The following RALYL variants were observed in gnomAD, a reference collection of about 807,000 sequenced individuals.
The protein encoded by RALYL is RNA-binding Raly-like protein.
RALYL carries 29 observed loss-of-function variants against 35.1 expected under a neutral mutation model. That is an observed-to-expected ratio of 0.83 (90% CI 0.61 to 1.13). The LOEUF (loss-of-function observed/expected upper bound fraction) is 1.13. RALYL is among the 50% of genes most tolerant of loss of function. The pLI, the probability that RALYL is intolerant of heterozygous loss-of-function variation, is 0.00. For missense variants in RALYL, 359 were observed against 360.4 expected (o/e 1.00, Z 0.03); for synonymous variants, 120 against 127.6 (o/e 0.94, Z 0.40).
intron 2 of RALYL, among the ~76,000 whole-genome samples, chr8:84,614,979 T>G (rs1819132576): frequency 2.6e-5 from 4 of 151,566 alleles, no homozygotes; most frequent in Admixed American, 2.6e-4. Context: ...ATGGCATAAA[T>G]TACTGTAAAA....
chr8:84,728,506 T>C (rs1845456004), intron 2 of RALYL, among the ~76,000 whole-genome samples: 1 of 151,864 alleles, frequency 6.6e-6, no homozygotes, highest in Non-Finnish European at 1.5e-5. Flanking sequence ...ATTTTGTCTT[T>C]TGTTGCCATT....
intron 1 of RALYL, among the ~76,000 whole-genome samples, chr8:84,252,090 A>G (rs1830304827): frequency 6.6e-6 from 1 of 152,020 alleles, no homozygotes; most frequent in African/African-American, 2.4e-5. Flanking sequence ...TTGTTGATAT[A>G]TCCTTATATA....
intron 2 of RALYL, among the ~76,000 whole-genome samples, chr8:84,756,724 TA>T (rs1811503864): frequency 6.6e-6 from 1 of 152,126 alleles, no homozygotes; most frequent in African/African-American, 2.4e-5. Context: ...CATGATTTAT[TA>T]TCCAAACTTC....
At chr8:84,786,094 T>C (rs1221384985) in intron 3 of RALYL, among the ~76,000 whole-genome samples, 1 of 152,344 alleles carries the variant, frequency 6.6e-6, no homozygotes, top group East Asian at 1.9e-4. Flanking sequence ...GGTTTTCTGT[T>C]CCTGTGTTAG....
intron 1 of RALYL, among the ~76,000 whole-genome samples, chr8:84,490,426 T>C (rs1214318135): frequency 6.6e-6 from 1 of 151,982 alleles, no homozygotes; most frequent in African/African-American, 2.4e-5. Flanking sequence ...AGATTGAAGG[T>C]TGTTGCCTGG....
intron 3 of RALYL, among the ~76,000 whole-genome samples, chr8:84,781,320 A>G (rs917939855): frequency 1.2e-4 from 19 of 152,240 alleles, no homozygotes; most frequent in African/African-American, 4.3e-4. Context: ...ACACTAAGCA[A>G]ATATAACTTA....
intron 7 of RALYL, among the ~76,000 whole-genome samples, chr8:84,883,137 A>C (rs1202335362): frequency 6.6e-6 from 1 of 152,024 alleles, no homozygotes; most frequent in Non-Finnish European, 1.5e-5. Context: ...ATTATAATTA[A>C]AGCTTTTTTT....
intron 1 of RALYL, among the ~76,000 whole-genome samples, chr8:84,239,407 T>A (rs998364482): frequency 1.8e-4 from 28 of 152,112 alleles, no homozygotes; most frequent in African/African-American, 6.3e-4. Flanking sequence ...AAAATATACC[T>A]CAGTTAATAA....
intron 2 of RALYL, among the ~76,000 whole-genome samples, chr8:84,595,893 T>A (rs902009797): frequency 6.6e-6 from 1 of 151,312 alleles, no homozygotes; most frequent in Non-Finnish European, 1.5e-5. Flanking sequence ...GCAGGCAGGA[T>A]CCTGAGCAAG....
intron 2 of RALYL, among the ~76,000 whole-genome samples, chr8:84,768,532 A>G (rs1028313585): frequency 6.6e-6 from 1 of 152,306 alleles, no homozygotes; most frequent in African/African-American, 2.4e-5. Flanking sequence ...GTAAATATGC[A>G]TACAGATATC....
At position 84,500,344 on chromosome 8, in the gene RALYL, A is replaced by G. The variant is rs922987333; in HGVS notation, c.-23-28955A>G. Among the ~76,000 whole-genome samples the G allele has an allele frequency of 2.6e-5, 4 of 152,192 alleles. No homozygotes were observed. The East Asian group carries it at 7.7e-4, about 29-fold the overall frequency. ...TACAATCAGTATGTAATCAAATCTGATGAAAAAACATTTACACACACTTAT... is the reference window on the plus strand; with the variant it reads ...TACAATCAGTATGTAATCAAATCTGGTGAAAAAACATTTACACACACTTAT... On this transcript the variant is annotated intron_variant, in intron 1 of 8. Coordinates refer to ENST00000521268, the MANE Select transcript of RALYL (RefSeq NM_173848.7).
At chr8:84,617,351 G>A (rs1820010555) in intron 2 of RALYL, among the ~76,000 whole-genome samples, 1 of 150,880 alleles carries the variant, frequency 6.6e-6, no homozygotes, top group African/African-American at 2.5e-5. Context: ...TTTCTTTGAA[G>A]CAATTGTGAA....
intron 2 of RALYL, among the ~76,000 whole-genome samples, chr8:84,680,444 G>C (rs1243755478): frequency 6.6e-6 from 1 of 152,050 alleles, no homozygotes; most frequent in African/African-American, 2.4e-5. Context: ...CACAATGATT[G>C]AACTAGTTTA....
chr8:84,705,368 G>C (rs1378849518), intron 2 of RALYL, among the ~76,000 whole-genome samples: 1 of 152,130 alleles, frequency 6.6e-6, no homozygotes, highest in African/African-American at 2.4e-5. Flanking sequence ...CTGCTACATA[G>C]TAGGCACTCA....
At chr8:84,229,335 G>A (rs1586369457) in intron 1 of RALYL, among the ~76,000 whole-genome samples, 1 of 152,316 alleles carries the variant, frequency 6.6e-6, no homozygotes, top group East Asian at 1.9e-4. Context: ...CACAGAGGCA[G>A]TGGAATTTGA....
intron 1 of RALYL, among the ~76,000 whole-genome samples, chr8:84,389,876 G>C (rs368176753): frequency 0.012 from 1,767 of 150,910 alleles, 33 homozygotes; most frequent in African/African-American, 0.039. Flanking sequence ...ACTTCCAACA[G>C]TATGTTGAAT....
At chr8:84,857,918 A>T (rs911018212) in intron 5 of RALYL, among the ~76,000 whole-genome samples, 3 of 152,066 alleles carry the variant, frequency 2.0e-5, no homozygotes, top group African/African-American at 2.4e-5. Context: ...GTTCTTTTTT[A>T]AAAAAGACAC....
chr8:84,812,990 G>A (rs889735000), intron 4 of RALYL, among the ~76,000 whole-genome samples: 6 of 152,126 alleles, frequency 3.9e-5, no homozygotes, highest in East Asian at 1.9e-4. Context: ...TCTGCCTGTG[G>A]TATTTTTCCC....
At chr8:84,213,302 A>T (rs1365204601) in intron 1 of RALYL, among the ~76,000 whole-genome samples, 2 of 152,248 alleles carry the variant, frequency 1.3e-5, no homozygotes, top group African/African-American at 2.4e-5. Context: ...GAGGCAGGAG[A>T]ATTGCTTGAA....
Sources: allele counts gnomAD v4.1 joint callset (sites outside exome capture counted in the v4.1 genomes callset), GRCh38; gene constraint gnomAD v4.1.1; transcripts MANE v1.5; gene names NCBI Gene and HGNC (gene_info 2026-07-23, HGNC 2026-07-21).